The following GPC5 variants were observed in gnomAD, a reference collection of about 807,000 sequenced individuals.
GPC5 encodes glypican-5.
A neutral mutation model predicts 53.9 loss-of-function variants in GPC5; 47 were observed. That is an observed-to-expected ratio of 0.87 (90% CI 0.69 to 1.11). GPC5 has a LOEUF of 1.11. Ranked by LOEUF, GPC5 falls within the 50% of genes most tolerant of loss-of-function variation. The pLI is 0.00. For synonymous variants in GPC5, 286 were observed against 263.3 expected (o/e 1.09, Z -0.84); for missense variants, 748 against 713.1 (o/e 1.05, Z -0.56).
chr13:91,732,823 G>A (rs2036730949), intron 4 of GPC5, among the ~76,000 whole-genome samples: 1 of 152,162 alleles, frequency 6.6e-6, no homozygotes, highest in South Asian at 2.1e-4. Context: ...GTGAAGATCA[G>A]ATGGTTGTAG....
intron 6 of GPC5, among the ~76,000 whole-genome samples, chr13:92,123,002 T>C (rs1235181882): frequency 6.6e-6 from 1 of 152,160 alleles, no homozygotes; most frequent in Non-Finnish European, 1.5e-5. Flanking sequence ...AACTATTCTT[T>C]GATACTGGTT....
At position 92,533,018 on chromosome 13, in the gene GPC5, A is replaced by G. The variant is rs541733565; in HGVS notation, c.1562-333264A>G. ...TGACAGTCTCATTTTATGACAAATT[A>G]CAGAATAATTATTATTGCTTTATGG... is the stretch of plus-strand genomic sequence containing the variant. On this transcript the variant is annotated intron_variant, in intron 7 of 7. Coordinates refer to ENST00000377067, the MANE Select transcript of GPC5 (RefSeq NM_004466.6). Among the ~76,000 whole-genome samples the G allele has an allele frequency of 3.0e-4, 45 of 152,318 alleles. No individual in the cohort carries two copies. In the South Asian group the frequency reaches 8.5e-3, roughly 29 times the overall value.
chr13:91,501,330 G>A (rs945640594), intron 2 of GPC5, among the ~76,000 whole-genome samples: 8 of 141,508 alleles, frequency 5.7e-5, no homozygotes, highest in African/African-American at 1.8e-4. Context: ...GTGCCATGTT[G>A]GTGTGCTGCA....
At chr13:92,422,742 GA>G (rs201933889) in intron 7 of GPC5, among the ~76,000 whole-genome samples, 10 of 150,464 alleles carry the variant, frequency 6.6e-5, no homozygotes, top group East Asian at 1.9e-4. Flanking sequence ...AATTCTAGAG[GA>G]AAAAAAAAGT....
chr13:91,805,785 G>T (rs1225754071), intron 5 of GPC5, among the ~76,000 whole-genome samples: 1 of 152,070 alleles, frequency 6.6e-6, no homozygotes, highest in Non-Finnish European at 1.5e-5. Context: ...ATTAAACTAA[G>T]TCATTTAGAT....
chr13:91,903,682 A>G (rs2039522182), intron 5 of GPC5, among the ~76,000 whole-genome samples: 1 of 152,144 alleles, frequency 6.6e-6, no homozygotes, highest in Non-Finnish European at 1.5e-5. Context: ...CCTTATTTAT[A>G]TGACTCATAA....
chr13:92,183,200 T>C (rs1426879596), intron 7 of GPC5, among the ~76,000 whole-genome samples: 1 of 152,208 alleles, frequency 6.6e-6, no homozygotes, highest in Non-Finnish European at 1.5e-5. Context: ...TAATAAACAG[T>C]ATTTTATTTT....
intron 7 of GPC5, among the ~76,000 whole-genome samples, chr13:92,425,285 T>C (rs1417218401): frequency 3.3e-5 from 5 of 152,074 alleles, no homozygotes; most frequent in Admixed American, 6.6e-5. Flanking sequence ...AATGTAAATA[T>C]GTAAGTTAAA....
chr13:91,799,152 T>TA (rs1298924006), intron 5 of GPC5, among the ~76,000 whole-genome samples: 1 of 152,246 alleles, frequency 6.6e-6, no homozygotes, highest in African/African-American at 2.4e-5. Flanking sequence ...TATGCAGCCA[T>TA]AAAAAAGAAT....
chr13:91,467,228 G>A (rs2139165079), intron 2 of GPC5, among the ~76,000 whole-genome samples: 1 of 152,220 alleles, frequency 6.6e-6, no homozygotes, highest in South Asian at 2.1e-4. Context: ...TGAATTATTG[G>A]GGAAGAAAGT....
intron 2 of GPC5, among the ~76,000 whole-genome samples, chr13:91,553,938 G>A (rs578044572): frequency 9.9e-5 from 15 of 152,006 alleles, no homozygotes; most frequent in East Asian, 3.9e-4. Flanking sequence ...GTTATTTATC[G>A]TTATAGGAGT....
At chr13:92,285,352 G>A (rs1376699447) in intron 7 of GPC5, among the ~76,000 whole-genome samples, 1 of 152,116 alleles carries the variant, frequency 6.6e-6, no homozygotes, top group Non-Finnish European at 1.5e-5. Context: ...TCCCCATCAA[G>A]CTACCAATGA....
chr13:91,859,274 G>A (rs1004814910), intron 5 of GPC5, among the ~76,000 whole-genome samples: 1 of 151,508 alleles, frequency 6.6e-6, no homozygotes, highest in Non-Finnish European at 1.5e-5. Context: ...CTTTGATCTT[G>A]GAAATTATAG....
intron 6 of GPC5, among the ~76,000 whole-genome samples, chr13:92,099,918 A>T (rs1442760209): frequency 2.6e-5 from 4 of 152,172 alleles, no homozygotes; most frequent in African/African-American, 9.7e-5. Flanking sequence ...TGATTTAATC[A>T]TGGTGAAATC....
intron 7 of GPC5, among the ~76,000 whole-genome samples, chr13:92,321,602 AACATACATACATACATACATACATACAT>A (rs34397471): frequency 6.6e-6 from 1 of 150,636 alleles, no homozygotes; most frequent in Non-Finnish European, 1.5e-5. Flanking sequence ...CTCCATCTCA[AACATACATACATACATACATACATACAT>A]ACATACATAC....
At chr13:92,438,383 A>AATATAT (rs66984887) in intron 7 of GPC5, among the ~76,000 whole-genome samples, 4 of 123,740 alleles carry the variant, frequency 3.2e-5, no homozygotes, top group East Asian at 3.4e-4. Context: ...AAGCAAAATA[A>AATATAT]ATATATATAT....
intron 2 of GPC5, among the ~76,000 whole-genome samples, chr13:91,555,494 G>A (rs1481120194): frequency 2.0e-5 from 3 of 151,962 alleles, no homozygotes; most frequent in African/African-American, 4.8e-5. Flanking sequence ...CCATTTCTTG[G>A]CCACCAGAGA....
intron 2 of GPC5, among the ~76,000 whole-genome samples, chr13:91,477,687 A>G (rs1187639189): frequency 6.6e-6 from 1 of 152,196 alleles, no homozygotes; most frequent in African/African-American, 2.4e-5. Flanking sequence ...TGAGGCATAC[A>G]AGGGGCCTGT....
intron 6 of GPC5, among the ~76,000 whole-genome samples, chr13:91,938,055 C>T (rs914594766): frequency 2.0e-5 from 3 of 152,006 alleles, no homozygotes; most frequent in African/African-American, 7.2e-5. Flanking sequence ...GCAAGTTCAG[C>T]TGAGATTTGT....
Sources: gnomAD v4.1 joint callset for allele counts (sites outside exome capture counted in the v4.1 genomes callset) on GRCh38, gnomAD v4.1.1 for gene constraint, MANE v1.5 for transcripts, NCBI Gene and HGNC (gene_info 2026-07-23, HGNC 2026-07-21) for gene names.